Variants in KL observed in about 807,000 individuals in gnomAD.
KL encodes the protein alpha-klotho.
In KL, 62 loss-of-function variants were observed where a neutral mutation model predicts 84.2. The ratio of observed to expected loss-of-function variants is 0.74; its 90% CI spans 0.60 to 0.91. The LOEUF (loss-of-function observed/expected upper bound fraction) is 0.91, where lower values mean the gene tolerates loss of function less well. KL is among the 40% of genes least tolerant of loss of function. The pLI, the probability that KL is intolerant of heterozygous loss-of-function variation, is 0.00. For missense variants in KL, 1,261 were observed against 1,305.7 expected, an observed-to-expected ratio of 0.97 and a Z score of 0.53; for synonymous variants, 528 against 528.0, an observed-to-expected ratio of 1.00 and a Z score of 0.00.
rs140707985 is a variant in KL at position 33,061,650 on chromosome 13, C to A, written c.2571C>A (p.Asn857Lys). 149 of 1,614,176 alleles carry A rather than the reference C, an allele frequency of 9.2e-5. No homozygotes were observed. In the African/African-American group the frequency reaches 1.5e-3, roughly 16 times the overall value. The stretch of plus-strand genomic sequence containing the variant: ...CCTGGGGGTTGCGCAAAGTGCTGAA[C>A]TGGCTGAAGTTCAAGTACGGAGACC... ...VVPWGLRKVLNWLKFKYGDLP... is the reference protein window; with the variant it reads ...VVPWGLRKVLKWLKFKYGDLP... Residue 857 changes from asparagine (N) to lysine (K), a missense_variant, in exon 4 of 5, where the codon AAC becomes AAA. Coordinates refer to ENST00000380099, the MANE Select transcript of KL (RefSeq NM_004795.4).
In KL at chr13:33,039,791, A is replaced by G. The variant is rs1034191187; in HGVS notation, c.820-13976A>G. Among the ~76,000 whole-genome samples the G allele has an allele frequency of 2.6e-5, 4 of 152,324 alleles. No homozygotes were observed. In the South Asian group the frequency reaches 6.2e-4, roughly 24 times the overall value. On this transcript the variant is annotated intron_variant, in intron 1 of 4. Transcript: ENST00000380099. ...GTAGGTTGGCATCCAACGTAGGTACAGCCCTGGATGAGGAGTAATGAGAAA... is the reference window on the plus strand; with the variant it reads ...GTAGGTTGGCATCCAACGTAGGTACGGCCCTGGATGAGGAGTAATGAGAAA...
chr13:33,052,148 G>A (rs1379553643), intron 1 of KL, among the ~76,000 whole-genome samples: 1 of 152,116 alleles, frequency 6.6e-6, no homozygotes, highest in Admixed American at 6.5e-5. Context: ...GGTAGAAATG[G>A]GGTCTCACTC....
At chr13:33,036,546 G>A (rs1275410543) in intron 1 of KL, among the ~76,000 whole-genome samples, 4 of 152,078 alleles carry the variant, frequency 2.6e-5, no homozygotes, top group Non-Finnish European at 5.9e-5. Context: ...ATATAGGACA[G>A]TCACATGTCT....
intron 1 of KL, among the ~76,000 whole-genome samples, chr13:33,020,146 C>T (rs187233643): frequency 3.5e-4 from 54 of 152,306 alleles, no homozygotes; most frequent in African/African-American, 1.1e-3. Context: ...ACTTCTTTCA[C>T]GTAAGGAAGT....
rs11842866 is a variant in KL, at chr13:33,017,671, C to A, written c.819+412C>A. On this transcript the variant is annotated intron_variant, in intron 1 of 4. Coordinates refer to ENST00000380099, the MANE Select transcript of KL (RefSeq NM_004795.4). Reference sequence around the variant, plus strand: ...GCACAGATAGCATTACTCTCTGGAGCTGTCACGAGTTCAGTGTTAATCCAA... The same window carrying A: ...GCACAGATAGCATTACTCTCTGGAGATGTCACGAGTTCAGTGTTAATCCAA... 6.8e-3 allele frequency among the ~76,000 whole-genome samples: 1,039 copies of A among 152,338 alleles called. 14 individuals are homozygous for A. Among genetic ancestry groups the A allele is most frequent in the African/African-American group, 0.023 (944 of 41,574 alleles).
upstream of KL, chr13:33,016,365 G>T: frequency 6.1e-6 from 1 of 164,320 alleles, no homozygotes; most frequent in South Asian, 1.8e-4. Context: ...CGCGCCGGCG[G>T]TGGGCGGGCG....
intron 1 of KL, among the ~76,000 whole-genome samples, chr13:33,050,118 A>G (rs1871688300): frequency 6.6e-6 from 1 of 152,202 alleles, no homozygotes. Flanking sequence ...TACATGGTAA[A>G]CATATTTGAA....
At chr13:33,024,141 T>C (rs914439464) in intron 1 of KL, among the ~76,000 whole-genome samples, 1 of 126,856 alleles carries the variant, frequency 7.9e-6, no homozygotes, top group African/African-American at 2.8e-5. Context: ...TGAAAAGACA[T>C]CTTTCACATA....
chr13:33,060,952 G>A lies in KL; in HGVS notation c.1873G>A (p.Glu625Lys), dbSNP rs150287359. 339 of 1,611,550 alleles carry A rather than the reference G, an allele frequency of 2.1e-4. No homozygotes were observed. In the Admixed American group the frequency reaches 2.3e-3, roughly 11 times the overall value. The change falls in exon 4 of 5, where the codon GAG (glutamate) becomes AAG (lysine). Residue 625 changes from glutamate (E) to lysine (K), a missense_variant. Transcript: ENST00000380099. ...GCAGTACTATCGCTGCATGGCCAGCGAGCTTGTCCGTGTCAACATCACCCC... is the reference window on the plus strand; with the variant it reads ...GCAGTACTATCGCTGCATGGCCAGCAAGCTTGTCCGTGTCAACATCACCCC... Reference protein sequence around the residue: ...ILQYYRCMASELVRVNITPVV... With the variant: ...ILQYYRCMASKLVRVNITPVV...
intron 1 of KL, among the ~76,000 whole-genome samples, chr13:33,045,827 G>T (rs576914160): frequency 6.6e-6 from 1 of 152,092 alleles, no homozygotes; most frequent in African/African-American, 2.4e-5. Flanking sequence ...TCTAGTCGTA[G>T]TTTTCTGAGT....
intron 1 of KL, among the ~76,000 whole-genome samples, chr13:33,048,617 C>T (rs1871626809): frequency 6.6e-6 from 1 of 151,050 alleles, no homozygotes; most frequent in Admixed American, 6.6e-5. Context: ...CGTTGACCTG[C>T]TTCAGAGTCC....
intron 1 of KL, among the ~76,000 whole-genome samples, chr13:33,031,847 TA>T (rs1870984126): frequency 6.6e-6 from 1 of 152,172 alleles, no homozygotes; most frequent in South Asian, 2.1e-4. Flanking sequence ...TTAAACTATA[TA>T]AATGCATTTA....
At chr13:33,059,074 T>C (rs1203762673) in intron 3 of KL, among the ~76,000 whole-genome samples, 1 of 152,198 alleles carries the variant, frequency 6.6e-6, no homozygotes, top group Non-Finnish European at 1.5e-5. Flanking sequence ...AACAGGCCCG[T>C]AAAATGCAAC....
chr13:33,024,000 GT>G (rs1288585443), intron 1 of KL, among the ~76,000 whole-genome samples: 1 of 152,152 alleles, frequency 6.6e-6, no homozygotes, highest in African/African-American at 2.4e-5. Context: ...TTCCACTCAA[GT>G]TGCCCCCTTG....
intron 1 of KL, among the ~76,000 whole-genome samples, chr13:33,033,371 G>A (rs1796446436): frequency 6.6e-6 from 1 of 152,036 alleles, no homozygotes; most frequent in Non-Finnish European, 1.5e-5. Flanking sequence ...TTTCCCTTTC[G>A]TCACAGGGGA....
At chr13:33,037,637 G>A (rs983724662) in intron 1 of KL, among the ~76,000 whole-genome samples, 10 of 152,116 alleles carry the variant, frequency 6.6e-5, no homozygotes, top group African/African-American at 2.2e-4. Flanking sequence ...CTTTGACTCT[G>A]GCTTTATCCA....
chr13:33,027,524 C>CTG (rs957910256), intron 1 of KL, among the ~76,000 whole-genome samples: 1 of 152,340 alleles, frequency 6.6e-6, no homozygotes, highest in Non-Finnish European at 1.5e-5. Flanking sequence ...GGAGAGAAGG[C>CTG]TGTGGCTCTT....
At chr13:33,040,056 T>C (rs1171176231) in intron 1 of KL, among the ~76,000 whole-genome samples, 1 of 152,212 alleles carries the variant, frequency 6.6e-6, no homozygotes, top group Admixed American at 6.5e-5. Context: ...CCCCTTGCAT[T>C]GGTTAAATCC....
At chr13:33,048,169 C>T (rs1287699993) in intron 1 of KL, among the ~76,000 whole-genome samples, 1 of 151,976 alleles carries the variant, frequency 6.6e-6, no homozygotes, top group Non-Finnish European at 1.5e-5. Flanking sequence ...CCTGCTTTTT[C>T]ACATATCTAG....
Sources: allele counts gnomAD v4.1 joint callset (sites outside exome capture counted in the v4.1 genomes callset), GRCh38; gene constraint gnomAD v4.1.1; transcripts MANE v1.5; gene names NCBI Gene and HGNC (gene_info 2026-07-23, HGNC 2026-07-21).